The following ANK2 variants were observed in gnomAD, a reference collection of about 807,000 sequenced individuals.
ANK2 encodes ankyrin-2.
In ANK2, 83 loss-of-function variants were observed where a neutral mutation model predicts 360.5. The observed-to-expected ratio is 0.23, with a 90% CI of 0.19 to 0.28. The LOEUF (loss-of-function observed/expected upper bound fraction) is 0.28, where lower values mean the gene tolerates loss of function less well. Among genes scored for constraint, ANK2 ranks in the 10% least tolerant of loss-of-function variants. The pLI is 1.00. For missense variants in ANK2, 4,201 were observed against 4,795.7 expected, an observed-to-expected ratio of 0.88 and a Z score of 3.66; for synonymous variants, 1,740 against 1,759.5, an observed-to-expected ratio of 0.99 and a Z score of 0.28.
In ANK2 at chr4:113,261,958, C is replaced by G. The variant is rs139112803; in HGVS notation, c.1387-2939C>G. 7.5e-3 allele frequency among the ~76,000 whole-genome samples: 1,139 copies of G among 152,244 alleles called. 8 individuals are homozygous for G. The highest frequency in any genetic ancestry group is 0.012 in the African/African-American group (496 of 41,540). ...ATCCCAGCTACTTGGGAGGCTGAGG[C>G]AGGAGAATCACTTGAACCAAAGAGG... On this transcript the variant is annotated intron_variant, in intron 13 of 45. Transcript: ENST00000357077.
At chr4:112,802,751 A>G in the ANK2 span, among the ~76,000 whole-genome samples, 4 of 152,228 alleles carry the variant, frequency 2.6e-5, no homozygotes, top group Non-Finnish European at 1.5e-5. Flanking sequence ...AGCAATATAG[A>G]CAACATAGGA....
chr4:112,957,898 G>T (rs1213206134), intron 2 of ANK2, among the ~76,000 whole-genome samples: 1 of 150,238 alleles, frequency 6.7e-6, no homozygotes, highest in Admixed American at 6.6e-5. Flanking sequence ...GGGCAGAGAT[G>T]CTCCTCACCT....
At chr4:113,093,051 T>C (rs1034592258) in intron 1 of ANK2, among the ~76,000 whole-genome samples, 5 of 152,232 alleles carry the variant, frequency 3.3e-5, no homozygotes, top group Non-Finnish European at 2.9e-5. Context: ...TTTAACTTTT[T>C]TGATTTCATG....
chr4:113,041,277 C>T (rs2062879114), intron 2 of ANK2, among the ~76,000 whole-genome samples: 1 of 152,064 alleles, frequency 6.6e-6, no homozygotes, highest in African/African-American at 2.4e-5. Context: ...CTCTTCACTC[C>T]CTGCATCTCT....
At chr4:113,267,026 T>G (rs1024924229) in intron 14 of ANK2, among the ~76,000 whole-genome samples, 7 of 152,250 alleles carry the variant, frequency 4.6e-5, no homozygotes, top group Non-Finnish European at 1.0e-4. Context: ...TTTCTCATAT[T>G]TTGTTAGCCA....
At chr4:113,211,629 A>T (rs977713570) in intron 4 of ANK2, among the ~76,000 whole-genome samples, 1 of 152,172 alleles carries the variant, frequency 6.6e-6, no homozygotes, top group Non-Finnish European at 1.5e-5. Flanking sequence ...CATTCTTCAC[A>T]TATTATACTC....
intron 1 of ANK2, among the ~76,000 whole-genome samples, chr4:112,860,920 T>C (rs996984362): frequency 5.9e-5 from 9 of 152,192 alleles, no homozygotes; most frequent in Admixed American, 5.2e-4. Context: ...TCCTTTGACA[T>C]GTACAAGTTT....
intron 2 of ANK2, among the ~76,000 whole-genome samples, chr4:112,962,388 A>G (rs1277213315): frequency 6.6e-6 from 1 of 152,010 alleles, no homozygotes; most frequent in Non-Finnish European, 1.5e-5. Flanking sequence ...TTCTTTTTAT[A>G]TCTGTGAAGT....
intron 26 of ANK2, among the ~76,000 whole-genome samples, chr4:113,319,653 A>G (rs2084909406): frequency 6.6e-6 from 1 of 152,110 alleles, no homozygotes; most frequent in Admixed American, 6.5e-5. Context: ...ATACAATAAC[A>G]TAAGTTATAT....
intron 45 of ANK2, among the ~76,000 whole-genome samples, chr4:113,380,929 A>T (rs986544598): frequency 3.3e-5 from 5 of 152,150 alleles, no homozygotes; most frequent in Non-Finnish European, 5.9e-5. Flanking sequence ...CTAATATTTT[A>T]GTTTTTAAAG....
the ANK2 span, among the ~76,000 whole-genome samples, chr4:112,758,738 C>A: frequency 8.2e-3 from 1,243 of 152,270 alleles, 13 homozygotes; most frequent in African/African-American, 0.029. Context: ...AATCAATCTT[C>A]TCAAAACCCT....
chr4:113,117,099 G>A (rs999196433), intron 1 of ANK2: 16 of 362,474 alleles, frequency 4.4e-5, no homozygotes, highest in Non-Finnish European at 8.1e-5. Context: ...AGTGAGTTGT[G>A]GGTGCTGCAG....
chr4:113,238,855 C>CG (rs1375811452), intron 7 of ANK2, among the ~76,000 whole-genome samples: 1 of 152,100 alleles, frequency 6.6e-6, no homozygotes, highest in African/African-American at 2.4e-5. Flanking sequence ...AGATTGACAG[C>CG]TTGGTTATCA....
At chr4:112,919,551 G>C (rs1000136133) in intron 2 of ANK2, among the ~76,000 whole-genome samples, 3 of 152,048 alleles carry the variant, frequency 2.0e-5, no homozygotes, top group African/African-American at 7.2e-5. Context: ...AGTATTAACA[G>C]TGCGAGATAC....
At chr4:113,332,925 G>A (rs1388030954) in intron 28 of ANK2, 129 bp from the exon 29 acceptor site, 19 of 1,355,018 alleles carry the variant, frequency 1.4e-5, no homozygotes, top group Non-Finnish European at 1.8e-5. Context: ...TGGGCTCCAG[G>A]GGATGGCCCA....
At chr4:113,314,746 G>A (rs984736562) in intron 24 of ANK2, among the ~76,000 whole-genome samples, 2 of 152,150 alleles carry the variant, frequency 1.3e-5, no homozygotes, top group Non-Finnish European at 2.9e-5. Flanking sequence ...TTCTTTTAGA[G>A]CGAATAACTT....
rs78186963 is a variant in ANK2 at position 113,296,750 on chromosome 4, G to A, written c.2475+3212G>A. Among the ~76,000 whole-genome samples, 811 of 152,238 alleles carry A rather than the reference G, an allele frequency of 5.3e-3. 7 individuals are homozygous for A. Among genetic ancestry groups the A allele is most frequent in the African/African-American group, 0.018 (765 of 41,562 alleles). ...TACATGTTTGCCAGAATGGATATCA[G>A]AATGGTAGAGACACATTTCTGGTGA... On this transcript the variant is annotated intron_variant, in intron 22 of 45. Transcript: ENST00000357077.
intron 4 of ANK2, among the ~76,000 whole-genome samples, chr4:113,208,366 G>C (rs1231332397): frequency 6.6e-6 from 1 of 152,008 alleles, no homozygotes; most frequent in Non-Finnish European, 1.5e-5. Context: ...ACCAGTTTCA[G>C]AGCACTTGAT....
chr4:113,283,515 T>G (rs931084931), intron 18 of ANK2, among the ~76,000 whole-genome samples: 8 of 152,286 alleles, frequency 5.3e-5, no homozygotes, highest in Non-Finnish European at 1.0e-4. Context: ...CTGGCCTCTA[T>G]AGACCTCCGC....
Sources: allele counts gnomAD v4.1 joint callset (sites outside exome capture counted in the v4.1 genomes callset), GRCh38; gene constraint gnomAD v4.1.1; transcripts MANE v1.5; gene names NCBI Gene and HGNC (gene_info 2026-07-23, HGNC 2026-07-21).